Variants in VSTM1 observed in about 807,000 individuals in gnomAD.
The protein encoded by VSTM1 is V-set and transmembrane domain-containing protein 1.
In VSTM1, 27 loss-of-function variants were observed where a neutral mutation model predicts 33.1. That is an observed-to-expected ratio of 0.82 (90% confidence interval 0.60 to 1.12). VSTM1 has a LOEUF of 1.12. Ranked by LOEUF, VSTM1 falls within the 50% of genes most tolerant of loss-of-function variation. VSTM1 has a pLI of 0.00. For synonymous variants in VSTM1, 115 were observed against 110.3 expected (o/e 1.04, Z -0.27); for missense variants, 304 against 288.9 (o/e 1.05, Z -0.38).
intron 3 of VSTM1, among the ~76,000 whole-genome samples, chr19:54,055,128 C>T (rs1029382441): frequency 7.1e-6 from 1 of 140,054 alleles, no homozygotes; most frequent in African/African-American, 2.6e-5. Context: ...CACTGTGGTC[C>T]TCATCATTTT....
At chr19:54,062,388 T>C (rs1284268218) in intron 1 of VSTM1, among the ~76,000 whole-genome samples, 1 of 152,108 alleles carries the variant, frequency 6.6e-6, no homozygotes, top group East Asian at 1.9e-4. Flanking sequence ...CTTACTGTGC[T>C]CAGCAGCTGG....
chr19:54,043,752 C>G (rs1329271882), intron 4 of VSTM1, among the ~76,000 whole-genome samples: 3 of 152,076 alleles, frequency 2.0e-5, no homozygotes, highest in African/African-American at 7.2e-5. Flanking sequence ...TCTGGAAAAC[C>G]CTGGCTAACA....
At chr19:54,041,658 G>C in intron 8 of VSTM1, 121 bp downstream of exon 8, 1 of 1,154,946 alleles carries the variant, frequency 8.7e-7, no homozygotes, top group Non-Finnish European at 1.2e-6. Context: ...TTCGTGACTT[G>C]TCTAAGACCA....
At chr19:54,056,227 T>TTC (rs1452523761) in intron 3 of VSTM1, among the ~76,000 whole-genome samples, 5 of 111,996 alleles carry the variant, frequency 4.5e-5, no homozygotes, top group African/African-American at 1.4e-4. Flanking sequence ...TTTTTTTTTT[T>TTC]TTTTTTTTTT....
At chr19:54,053,005 C>T (rs1017890735) in intron 3 of VSTM1, 3 of 120,548 alleles carry the variant, frequency 2.5e-5, no homozygotes, top group African/African-American at 3.9e-5. Context: ...AAAAAAAAAG[C>T]AGCCAGTGAC....
intron 4 of VSTM1, among the ~76,000 whole-genome samples, chr19:54,047,994 G>A (rs1364167818): frequency 6.6e-6 from 1 of 152,204 alleles, no homozygotes; most frequent in African/African-American, 2.4e-5. Flanking sequence ...GTCAAGTCTT[G>A]TGTGATAAAA....
In VSTM1 at chr19:54,056,214, C is replaced by CTTTTTTTTT. The variant is rs869203085; in HGVS notation, c.355+2083_355+2091dup. On this transcript the variant is annotated intron_variant, in intron 3 of 8. Coordinates refer to ENST00000338372, the MANE Select transcript of VSTM1 (RefSeq NM_198481.4). ...TTCTTTCTTTCTTTTCTTTTCTTTT[C>CTTTTTTTTT]TTTTTTTTTTTTTTTTTTTTTTTTT... Among the ~76,000 whole-genome samples, 15 of 39,174 alleles carry CTTTTTTTTT rather than the reference C, an allele frequency of 3.8e-4. 1 individual carries two copies. The highest frequency in any genetic ancestry group is 1.2e-3 in the African/African-American group (12 of 10,286). 25.7% of individuals were successfully genotyped at this position (39,174 alleles called of 152,430 possible). A position where few individuals can be genotyped will look rare whatever the true frequency, so the allele number is the denominator to read the frequency against.
At chr19:54,042,861 CT>C (rs565051370) in intron 4 of VSTM1, among the ~76,000 whole-genome samples, 1,253 of 103,426 alleles carry the variant, frequency 0.012, 13 homozygotes, top group Middle Eastern at 0.035. Context: ...TATATACACA[CT>C]TTTTTTTTTT....
intron 4 of VSTM1, among the ~76,000 whole-genome samples, chr19:54,045,954 A>G (rs528793422): frequency 3.3e-5 from 5 of 152,182 alleles, no homozygotes; most frequent in Admixed American, 2.0e-4. Flanking sequence ...TAGCTAGCTA[A>G]TCTATCTGTA....
Position 54,042,319 on chromosome 19 carries a change from G to A in VSTM1, c.445C>T (p.Leu149Phe), listed in dbSNP as rs1206073753. The part of the protein sequence containing the change: ...AIFSCISILL[L>F]FLSVFIIYRC... ...TAGATGATGAAGACTGAGAGGAAGAGGAGAAGGATGGAGATGCAGCTGAAG... is the reference window on the plus strand; with the variant it reads ...TAGATGATGAAGACTGAGAGGAAGAAGAGAAGGATGGAGATGCAGCTGAAG... Residue 149 changes from leucine to phenylalanine, a missense_variant, in exon 5 of 9, where the codon CTC (leucine) becomes TTC (phenylalanine). Transcript: ENST00000338372. 4 of 1,613,926 alleles carry A rather than the reference G, an allele frequency of 2.5e-6. No homozygotes were observed. The highest frequency in any genetic ancestry group is 2.2e-5 in the East Asian group (1 of 44,852).
chr19:54,046,520 A>AT (rs1382768565), intron 4 of VSTM1, among the ~76,000 whole-genome samples: 2 of 151,594 alleles, frequency 1.3e-5, no homozygotes, highest in African/African-American at 2.4e-5. Context: ...TATAATGATG[A>AT]TTTTTTTTCA....
intron 3 of VSTM1, among the ~76,000 whole-genome samples, chr19:54,052,119 C>A (rs573471510): frequency 6.6e-6 from 1 of 152,190 alleles, no homozygotes; most frequent in East Asian, 1.9e-4. Flanking sequence ...ACCTACTTGG[C>A]CGGGCGCAGT....
intron 3 of VSTM1, among the ~76,000 whole-genome samples, chr19:54,057,540 T>G (rs2071161974): frequency 6.7e-6 from 1 of 148,960 alleles, no homozygotes; most frequent in African/African-American, 2.5e-5. Context: ...CCGAGCGCAG[T>G]GGCTCACTCC....
chr19:54,056,800 C>A (rs2071118643), intron 3 of VSTM1, among the ~76,000 whole-genome samples: 1 of 141,542 alleles, frequency 7.1e-6, no homozygotes, highest in Non-Finnish European at 1.6e-5. Flanking sequence ...TGATGAGAAT[C>A]TTGCTCCACA....
intron 4 of VSTM1, among the ~76,000 whole-genome samples, chr19:54,050,502 C>T (rs1421479353): frequency 6.6e-6 from 1 of 152,002 alleles, no homozygotes; most frequent in Non-Finnish European, 1.5e-5. Context: ...CTGAAAAATT[C>T]ACCCCCATTA....
intron 4 of VSTM1, among the ~76,000 whole-genome samples, chr19:54,046,464 C>T (rs1056933320): frequency 6.6e-6 from 1 of 152,034 alleles, no homozygotes; most frequent in Non-Finnish European, 1.5e-5. Context: ...CTTTAAAGCG[C>T]TCAGTCTAGA....
intron 3 of VSTM1, among the ~76,000 whole-genome samples, chr19:54,054,063 G>A (rs1279844763): frequency 7.1e-6 from 1 of 141,428 alleles, no homozygotes; most frequent in African/African-American, 2.6e-5. Flanking sequence ...TTTGTAATAA[G>A]TAAAAAGTAG....
At position 54,057,098 on chromosome 19, in the gene VSTM1, T is replaced by C. The variant is rs1490221134; in HGVS notation, c.355+1208A>G. Among the ~76,000 whole-genome samples, 7 of 139,958 alleles carry C rather than the reference T, an allele frequency of 5.0e-5. 1 individual carries two copies. Among genetic ancestry groups the C allele is most frequent in the Non-Finnish European group, 9.4e-5 (6 of 63,604 alleles). The allele number at this position is 139,958 out of a possible 152,430, so 91.8% of individuals were successfully genotyped here. A position where few individuals can be genotyped will look rare whatever the true frequency, so the allele number is the denominator to read the frequency against. Reference sequence around the variant, plus strand: ...CTCGAACTCCCGACCTCAAGTGATCTGCCCACCTCTGCCTCCCAAAGTGCT... The same window carrying C: ...CTCGAACTCCCGACCTCAAGTGATCCGCCCACCTCTGCCTCCCAAAGTGCT... On this transcript the variant is annotated intron_variant, in intron 3 of 8. Coordinates refer to ENST00000338372, the MANE Select transcript of VSTM1 (RefSeq NM_198481.4).
rs147310611 is a variant in VSTM1 at position 54,052,124 on chromosome 19, C to T, written c.356-676G>A. On this transcript the variant is annotated intron_variant, in intron 3 of 8. Coordinates refer to ENST00000338372, the MANE Select transcript of VSTM1 (RefSeq NM_198481.4). ...TTAAAATATCACCTACTTGGCCGGG[C>T]GCAGTGGCTCACGCCTGTAATCCCA... Among the ~76,000 whole-genome samples the T allele has an allele frequency of 3.5e-3, 539 of 152,094 alleles. 23 individuals are homozygous for T. In the East Asian group the frequency reaches 0.08, roughly 22 times the overall value.
Sources: allele counts gnomAD v4.1 joint callset (sites outside exome capture counted in the v4.1 genomes callset), GRCh38; gene constraint gnomAD v4.1.1; transcripts MANE v1.5; gene names NCBI Gene and HGNC (gene_info 2026-07-23, HGNC 2026-07-21).